MAGI2: variants seen among roughly 807,000 people sequenced by gnomAD.
MAGI2 encodes the protein membrane-associated guanylate kinase, WW and PDZ domain-containing protein 2.
A neutral mutation model predicts 133.3 loss-of-function variants in MAGI2; 35 were observed. That is an observed-to-expected ratio of 0.26 (90% confidence interval 0.20 to 0.35). MAGI2 has a LOEUF of 0.35. Ranked by LOEUF, MAGI2 falls within the 10% of genes least tolerant of loss-of-function variation. MAGI2 has a pLI of 1.00. For synonymous variants in MAGI2, 729 were observed against 710.6 expected, an observed-to-expected ratio of 1.03 and a Z score of -0.41; for missense variants, 1,636 against 1,863.4, an observed-to-expected ratio of 0.88 and a Z score of 2.25.
At chr7:79,087,828 G>A (rs1187638920) in intron 1 of MAGI2, among the ~76,000 whole-genome samples, 9 of 151,986 alleles carry the variant, frequency 5.9e-5, no homozygotes, top group African/African-American at 1.9e-4. Flanking sequence ...TTATTTCTGA[G>A]GCCTCTGTTA....
intron 2 of MAGI2, among the ~76,000 whole-genome samples, chr7:78,818,367 A>G (rs1789792329): frequency 1.3e-5 from 2 of 152,220 alleles, no homozygotes. Context: ...TTGAGAGCTC[A>G]GTAAGGGCTA....
chr7:78,927,044 G>T (rs1371510228), intron 2 of MAGI2, among the ~76,000 whole-genome samples: 1 of 151,930 alleles, frequency 6.6e-6, no homozygotes, highest in African/African-American at 2.4e-5. Context: ...AGGTTGTATG[G>T]CCATGGACAT....
At chr7:78,365,962 G>T (rs1210907745) in intron 7 of MAGI2, among the ~76,000 whole-genome samples, 1 of 152,218 alleles carries the variant, frequency 6.6e-6, no homozygotes, top group East Asian at 1.9e-4. Flanking sequence ...CCAGTTGTTG[G>T]TCTATCTGAA....
chr7:78,989,946 G>C (rs1316110969), intron 2 of MAGI2, among the ~76,000 whole-genome samples: 1 of 151,970 alleles, frequency 6.6e-6, no homozygotes, highest in East Asian at 1.9e-4. Context: ...CAACTCTTAA[G>C]GATGACCAAA....
chr7:79,375,457 T>C (rs1301358509), intron 1 of MAGI2, among the ~76,000 whole-genome samples: 3 of 151,974 alleles, frequency 2.0e-5, no homozygotes, highest in African/African-American at 7.2e-5. Flanking sequence ...GTAAGACCAA[T>C]AGAAATAAGA....
chr7:78,705,425 C>G (rs1050886983), intron 2 of MAGI2, among the ~76,000 whole-genome samples: 2 of 152,090 alleles, frequency 1.3e-5, no homozygotes, highest in African/African-American at 4.8e-5. Flanking sequence ...TATAAATTAC[C>G]CAGTCTCAGG....
chr7:78,518,590 C>T (rs1162058732), intron 4 of MAGI2: 2 of 152,108 alleles, frequency 1.3e-5, no homozygotes, highest in African/African-American at 4.8e-5. Context: ...AATAATGTTA[C>T]CTCAATATGT....
At chr7:78,317,510 G>A (rs1299648731) in intron 9 of MAGI2, among the ~76,000 whole-genome samples, 1 of 152,344 alleles carries the variant, frequency 6.6e-6, no homozygotes, top group Non-Finnish European at 1.5e-5. Context: ...ATTAAGATAC[G>A]TAAGAAGGTA....
chr7:78,353,341 C>T (rs1418686166), intron 7 of MAGI2, among the ~76,000 whole-genome samples: 1 of 152,130 alleles, frequency 6.6e-6, no homozygotes, highest in African/African-American at 2.4e-5. Context: ...GTATTCTGGG[C>T]ACTAAGGACA....
chr7:78,335,235 C>T (rs772685875), intron 9 of MAGI2, among the ~76,000 whole-genome samples: 2 of 152,174 alleles, frequency 1.3e-5, no homozygotes, highest in African/African-American at 2.4e-5. Flanking sequence ...AGTTGCTCCA[C>T]GGAACCCCAG....
intron 6 of MAGI2, among the ~76,000 whole-genome samples, chr7:78,405,846 A>C (rs1193792036): frequency 2.0e-5 from 3 of 152,014 alleles, no homozygotes; most frequent in African/African-American, 7.2e-5. Context: ...TAAATAGACA[A>C]TTGTCTACAA....
intron 2 of MAGI2, among the ~76,000 whole-genome samples, chr7:78,896,760 G>T (rs1797249808): frequency 6.6e-6 from 1 of 151,562 alleles, no homozygotes; most frequent in Admixed American, 6.6e-5. Flanking sequence ...GTAGAGAAGG[G>T]GTTTCACCTG....
At chr7:78,477,453 T>C (rs1453247964) in intron 6 of MAGI2, among the ~76,000 whole-genome samples, 2 of 151,970 alleles carry the variant, frequency 1.3e-5, no homozygotes, top group Non-Finnish European at 2.9e-5. Flanking sequence ...AATAAAGACA[T>C]ACCCGAGACT....
At chr7:79,035,111 G>T (rs111695172) in intron 1 of MAGI2, among the ~76,000 whole-genome samples, 19,873 of 150,104 alleles carry the variant, frequency 0.13, 2,022 homozygotes, top group African/African-American at 0.29. Flanking sequence ...TGAAATCCTT[G>T]CTATAAAGTA....
intron 1 of MAGI2, among the ~76,000 whole-genome samples, chr7:79,153,288 T>C (rs1361977734): frequency 6.6e-6 from 1 of 152,182 alleles, no homozygotes; most frequent in Admixed American, 6.5e-5. Context: ...GCTTGGCAAC[T>C]GTTCATTGAA....
intron 3 of MAGI2, among the ~76,000 whole-genome samples, chr7:78,543,419 C>A (rs746491304): frequency 2.6e-5 from 4 of 152,120 alleles, no homozygotes; most frequent in Non-Finnish European, 5.9e-5. Context: ...CAGGCTACAA[C>A]CAATGTTGTA....
At chr7:78,689,014 A>G (rs1347497134) in intron 2 of MAGI2, among the ~76,000 whole-genome samples, 1 of 152,220 alleles carries the variant, frequency 6.6e-6, no homozygotes, top group Non-Finnish European at 1.5e-5. Flanking sequence ...TGAGATATCA[A>G]AATTGCTTTC....
chr7:78,049,326 T>C (rs1017261864), intron 21 of MAGI2, among the ~76,000 whole-genome samples: 6 of 152,184 alleles, frequency 3.9e-5, no homozygotes, highest in Admixed American at 3.9e-4. Flanking sequence ...TAAAAACAAG[T>C]GTAAAGATGA....
At chr7:78,450,516 C>T (rs1031216942) in intron 6 of MAGI2, among the ~76,000 whole-genome samples, 1 of 152,088 alleles carries the variant, frequency 6.6e-6, no homozygotes, top group African/African-American at 2.4e-5. Context: ...AAGCACACGC[C>T]TCATTGTGAT....
Sources: allele counts gnomAD v4.1 joint callset (sites outside exome capture counted in the v4.1 genomes callset), GRCh38; gene constraint gnomAD v4.1.1; transcripts MANE v1.5; gene names NCBI Gene and HGNC (gene_info 2026-07-23, HGNC 2026-07-21).